CSMD1: variants seen among roughly 807,000 people sequenced by gnomAD.
The protein encoded by CSMD1 is CUB and Sushi multiple domains 1, also known as CUB and sushi domain-containing protein 1.
In CSMD1, 213 loss-of-function variants were observed where a neutral mutation model predicts 417.5. The ratio of observed to expected loss-of-function variants is 0.51; its 90% CI spans 0.46 to 0.57. CSMD1 has a LOEUF of 0.57. CSMD1 is among the 20% of genes least tolerant of loss of function. The pLI is 0.00. For missense variants in CSMD1, 6,923 were observed against 4,529.7 expected, an observed-to-expected ratio of 1.53 and a Z score of -15.17; for synonymous variants, 2,862 against 1,736.8, an observed-to-expected ratio of 1.65 and a Z score of -16.11.
intron 1 of CSMD1, among the ~76,000 whole-genome samples, chr8:4,882,704 G>A (rs1803490240): frequency 6.6e-6 from 1 of 151,468 alleles, no homozygotes; most frequent in Non-Finnish European, 1.5e-5. Flanking sequence ...ATTTCCTCTG[G>A]GAACCAGACT....
rs144369805 is a variant in CSMD1 at position 3,489,491 on chromosome 8, T to C, written c.1448+4132A>G. 1.2e-4 allele frequency among the ~76,000 whole-genome samples: 19 copies of C among 152,312 alleles called. No homozygotes were observed. In the East Asian group the frequency reaches 3.3e-3, roughly 26 times the overall value. ...ATCCAGGGAAGGCCATAGCTCTCCA[T>C]GCAGTTCCTCCACAAATCAAATTCG... is the stretch of plus-strand genomic sequence containing the variant. On this transcript the variant is annotated intron_variant, in intron 11 of 69. Coordinates refer to ENST00000635120, the MANE Select transcript of CSMD1 (RefSeq NM_033225.6).
intron 3 of CSMD1, among the ~76,000 whole-genome samples, chr8:4,251,418 A>G (rs185479180): frequency 1.4e-4 from 22 of 152,318 alleles, no homozygotes; most frequent in Non-Finnish European, 5.9e-5. Flanking sequence ...ATTTTGAGCA[A>G]TAACATGAGA....
At chr8:3,855,585 G>A (rs1202792004) in intron 5 of CSMD1, among the ~76,000 whole-genome samples, 1 of 152,070 alleles carries the variant, frequency 6.6e-6, no homozygotes, top group Non-Finnish European at 1.5e-5. Context: ...AGTTTCAGTT[G>A]GTACAATGCC....
chr8:3,807,770 C>A (rs1330844481), intron 5 of CSMD1, among the ~76,000 whole-genome samples: 2 of 152,140 alleles, frequency 1.3e-5, no homozygotes, highest in Non-Finnish European at 2.9e-5. Flanking sequence ...TTAGTTCTCT[C>A]TCTGAGATAT....
At chr8:4,718,901 G>A (rs1808861627) in intron 1 of CSMD1, among the ~76,000 whole-genome samples, 1 of 152,010 alleles carries the variant, frequency 6.6e-6, no homozygotes, top group African/African-American at 2.4e-5. Flanking sequence ...TGAACTCTAT[G>A]ACATTGTATT....
chr8:3,001,963 T>C (rs1482852463), intron 52 of CSMD1, among the ~76,000 whole-genome samples: 5 of 152,204 alleles, frequency 3.3e-5, no homozygotes, highest in African/African-American at 1.2e-4. Context: ...GTTCTCCTAT[T>C]TTGGAGAACA....
rs139201209 is a variant in CSMD1, at chr8:2,992,436, T to G, written c.8377+5575A>C. 1.9e-3 allele frequency among the ~76,000 whole-genome samples: 284 copies of G among 152,156 alleles called. 1 individual carries two copies. The highest frequency in any genetic ancestry group is 6.2e-3 in the African/African-American group (257 of 41,502). On this transcript the variant is annotated intron_variant, in intron 54 of 69. Coordinates refer to ENST00000635120, the MANE Select transcript of CSMD1 (RefSeq NM_033225.6). ...GATTTGCTTTGTTGTTGTTGCTGTT[T>G]TTTTTTTAATGAAGTCTCGCTCTGT...
In CSMD1 at chr8:3,661,415, C is replaced by T. The variant is rs1347161069; in HGVS notation, c.1010-44618G>A. On this transcript the variant is annotated intron_variant, in intron 7 of 69. Transcript: ENST00000635120. ...TTTGTGTATAAATCTTCTTCCACCACGTGGCTGTGCTGAGGCTCTCTGAAT... is the reference window on the plus strand; with the variant it reads ...TTTGTGTATAAATCTTCTTCCACCATGTGGCTGTGCTGAGGCTCTCTGAAT... Among the ~76,000 whole-genome samples, 5 of 152,178 alleles carry T rather than the reference C, an allele frequency of 3.3e-5. No individual in the cohort carries two copies. The South Asian group carries it at 1.0e-3, about 32-fold the overall frequency.
At chr8:4,669,243 A>G (rs1457476874) in intron 1 of CSMD1, among the ~76,000 whole-genome samples, 1 of 152,120 alleles carries the variant, frequency 6.6e-6, no homozygotes, top group Non-Finnish European at 1.5e-5. Context: ...TGGGGGCTAG[A>G]CATATTTACT....
intron 3 of CSMD1, among the ~76,000 whole-genome samples, chr8:4,264,576 G>T (rs1030294180): frequency 7.2e-5 from 11 of 152,096 alleles, no homozygotes; most frequent in African/African-American, 2.7e-4. Flanking sequence ...TTTTATTATG[G>T]AAGACTGGTT....
chr8:3,876,779 T>C (rs1350037275), intron 5 of CSMD1, among the ~76,000 whole-genome samples: 2 of 152,126 alleles, frequency 1.3e-5, no homozygotes, highest in Admixed American at 6.5e-5. Flanking sequence ...ACAGCAAGTT[T>C]TTAAAAATTT....
At chr8:3,807,690 C>G (rs890665931) in intron 5 of CSMD1, among the ~76,000 whole-genome samples, 1 of 152,124 alleles carries the variant, frequency 6.6e-6, no homozygotes, top group African/African-American at 2.4e-5. Flanking sequence ...TAAGTTTTGG[C>G]TTTTCTTCCT....
chr8:4,394,858 A>G (rs1293103709), intron 3 of CSMD1, among the ~76,000 whole-genome samples: 1 of 152,004 alleles, frequency 6.6e-6, no homozygotes, highest in African/African-American at 2.4e-5. Context: ...TCTGGGCTAG[A>G]GAGTCCGATA....
chr8:3,489,616 C>G (rs187331334), intron 11 of CSMD1, among the ~76,000 whole-genome samples: 1 of 152,142 alleles, frequency 6.6e-6, no homozygotes. Context: ...AAATATGACC[C>G]AAGTTCCTTC....
chr8:3,831,924 C>A (rs527463264), intron 5 of CSMD1, among the ~76,000 whole-genome samples: 1 of 152,166 alleles, frequency 6.6e-6, no homozygotes, highest in Admixed American at 6.5e-5. Flanking sequence ...TAAAATACCC[C>A]CCAGAGATTA....
At chr8:4,550,610 G>C (rs1310666084) in intron 2 of CSMD1, among the ~76,000 whole-genome samples, 2 of 152,052 alleles carry the variant, frequency 1.3e-5, no homozygotes, top group East Asian at 1.9e-4. Context: ...TTTTTAAATA[G>C]GTAATGAAAT....
chr8:3,807,293 C>G (rs907133006), intron 5 of CSMD1, among the ~76,000 whole-genome samples: 4 of 152,040 alleles, frequency 2.6e-5, no homozygotes, highest in Non-Finnish European at 5.9e-5. Flanking sequence ...ATACCGCATG[C>G]CAGCAAAATA....
chr8:2,976,569 GA>G (rs1217082244), intron 55 of CSMD1, among the ~76,000 whole-genome samples: 1 of 152,134 alleles, frequency 6.6e-6, no homozygotes, highest in African/African-American at 2.4e-5. Context: ...AGTTGATCTA[GA>G]ACTCCTGGCC....
intron 3 of CSMD1, among the ~76,000 whole-genome samples, chr8:4,349,244 G>T (rs1246615148): frequency 1.3e-5 from 2 of 152,150 alleles, no homozygotes; most frequent in Middle Eastern, 3.2e-3. Flanking sequence ...TTGTCTTGTG[G>T]TATTTGGTAC....
Sources: gnomAD v4.1 joint callset for allele counts (sites outside exome capture counted in the v4.1 genomes callset) on GRCh38, gnomAD v4.1.1 for gene constraint, MANE v1.5 for transcripts, NCBI Gene and HGNC (gene_info 2026-07-23, HGNC 2026-07-21) for gene names.